The following NTRK3 variants were observed in gnomAD, a reference collection of about 807,000 sequenced individuals.
NTRK3 encodes neurotrophic receptor tyrosine kinase 3.
NTRK3 carries 24 observed loss-of-function variants against 91.7 expected under a neutral mutation model. The ratio of observed to expected loss-of-function variants is 0.26; its 90% confidence interval spans 0.19 to 0.37. The LOEUF is 0.37. NTRK3 is among the 10% of genes least tolerant of loss of function. NTRK3 has a pLI of 1.00. For missense variants in NTRK3, 880 were observed against 1,068.9 expected (o/e 0.82, Z 2.46); for synonymous variants, 483 against 404.0 (o/e 1.20, Z -2.34).
At chr15:88,109,924 T>A (rs1320925049) in intron 13 of NTRK3, among the ~76,000 whole-genome samples, 2 of 152,170 alleles carry the variant, frequency 1.3e-5, no homozygotes, top group African/African-American at 4.8e-5. Context: ...ACTGAGTGAT[T>A]ACTACACAGC....
chr15:88,154,935 C>T (rs1380659140), intron 5 of NTRK3, among the ~76,000 whole-genome samples: 1 of 152,068 alleles, frequency 6.6e-6, no homozygotes, highest in Non-Finnish European at 1.5e-5. Context: ...AAAAAATACC[C>T]ACATAACATC....
intron 6 of NTRK3, among the ~76,000 whole-genome samples, chr15:88,141,124 C>T (rs62019263): frequency 6.6e-6 from 1 of 151,986 alleles, no homozygotes; most frequent in African/African-American, 2.4e-5. Context: ...GAGGGACAGA[C>T]CAAGGTCCTA....
At chr15:87,941,551 G>T (rs564000868) in intron 14 of NTRK3, among the ~76,000 whole-genome samples, 16 of 152,166 alleles carry the variant, frequency 1.1e-4, no homozygotes, top group African/African-American at 3.6e-4. Context: ...CCATCACAGT[G>T]CCTGGTTCAT....
chr15:88,199,370 G>A (rs1482168120), intron 3 of NTRK3, among the ~76,000 whole-genome samples: 1 of 152,132 alleles, frequency 6.6e-6, no homozygotes, highest in African/African-American at 2.4e-5. Flanking sequence ...TGATCCTTGG[G>A]GCAGGGACTA....
At chr15:88,182,451 A>T (rs2046563623) in intron 5 of NTRK3, among the ~76,000 whole-genome samples, 1 of 152,108 alleles carries the variant, frequency 6.6e-6, no homozygotes, top group South Asian at 2.1e-4. Context: ...TCCGTTACCA[A>T]ATGCAAAGTG....
intron 3 of NTRK3, among the ~76,000 whole-genome samples, chr15:88,185,557 C>A (rs1044747445): frequency 6.6e-6 from 1 of 152,194 alleles, no homozygotes; most frequent in South Asian, 2.1e-4. Flanking sequence ...CAAAGGATCT[C>A]GGGAAAAGGC....
At chr15:88,193,402 G>A (rs1453628875) in intron 3 of NTRK3, among the ~76,000 whole-genome samples, 1 of 152,112 alleles carries the variant, frequency 6.6e-6, no homozygotes, top group Non-Finnish European at 1.5e-5. Flanking sequence ...CCCAGGCCCA[G>A]GTCTCAGCTT....
At chr15:88,158,998 G>A (rs933884043) in intron 5 of NTRK3, among the ~76,000 whole-genome samples, 1 of 152,214 alleles carries the variant, frequency 6.6e-6, no homozygotes, top group African/African-American at 2.4e-5. Context: ...AGGGAACAGA[G>A]GTACAGCTGC....
chr15:87,931,311 A>G, intron 16 of NTRK3: 1 of 481,512 alleles, frequency 2.1e-6, no homozygotes, highest in South Asian at 1.5e-5. Context: ...GGACAAAGTG[A>G]GGGCTATCCC....
intron 13 of NTRK3, among the ~76,000 whole-genome samples, chr15:88,046,472 G>C (rs2080207651): frequency 6.6e-6 from 1 of 152,130 alleles, no homozygotes; most frequent in Non-Finnish European, 1.5e-5. Context: ...CATGTTACAG[G>C]TGCGCTCAGG....
At chr15:88,003,602 T>G (rs1412025769) in intron 14 of NTRK3, among the ~76,000 whole-genome samples, 1 of 152,166 alleles carries the variant, frequency 6.6e-6, no homozygotes, top group African/African-American at 2.4e-5. Context: ...CCAGGTAGGA[T>G]GCCTCCAACA....
chr15:87,989,601 T>G (rs1338586950), intron 14 of NTRK3, among the ~76,000 whole-genome samples: 1 of 151,668 alleles, frequency 6.6e-6, no homozygotes, highest in African/African-American at 2.4e-5. Flanking sequence ...TGTATACATA[T>G]GTAACAAACC....
intron 14 of NTRK3, among the ~76,000 whole-genome samples, chr15:88,008,495 ACCCTAGG>A (rs1181802899): frequency 2.0e-5 from 3 of 151,570 alleles, no homozygotes; most frequent in African/African-American, 7.3e-5. Context: ...TGGTCCAAGA[ACCCTAGG>A]CCCTAGGACA....
At chr15:88,082,139 G>C (rs549651886) in intron 13 of NTRK3, among the ~76,000 whole-genome samples, 1 of 152,060 alleles carries the variant, frequency 6.6e-6, no homozygotes, top group Non-Finnish European at 1.5e-5. Context: ...TTAGCCAGGC[G>C]TGGTGGCGCA....
chr15:87,981,915 G>C (rs905394037), intron 14 of NTRK3, among the ~76,000 whole-genome samples: 5 of 152,166 alleles, frequency 3.3e-5, no homozygotes, highest in African/African-American at 1.2e-4. Flanking sequence ...CCATTGTTAG[G>C]GCATAAACCA....
intron 13 of NTRK3, among the ~76,000 whole-genome samples, chr15:88,085,337 G>A (rs1285435052): frequency 6.6e-6 from 1 of 152,226 alleles, no homozygotes; most frequent in Non-Finnish European, 1.5e-5. Flanking sequence ...TTGGCCCAGT[G>A]ACTTGCTTTG....
intron 17 of NTRK3, among the ~76,000 whole-genome samples, chr15:87,921,057 G>C (rs546604686): frequency 6.6e-6 from 1 of 152,118 alleles, no homozygotes; most frequent in Non-Finnish European, 1.5e-5. Context: ...CTGAGTGAAG[G>C]ATATATGGGA....
chr15:88,225,635 G>C (rs188711520), intron 3 of NTRK3, among the ~76,000 whole-genome samples: 2 of 152,098 alleles, frequency 1.3e-5, no homozygotes, highest in Admixed American at 1.3e-4. Context: ...CCACAGTTCC[G>C]ATTCACAAAG....
chr15:87,879,326 A>G, intron 18 of NTRK3, among the ~76,000 whole-genome samples: 1 of 152,172 alleles, frequency 6.6e-6, no homozygotes, highest in Non-Finnish European at 1.5e-5. Context: ...TTTCATAGGG[A>G]TGTTTCATAG....
Sources: allele counts gnomAD v4.1 joint callset (sites outside exome capture counted in the v4.1 genomes callset), GRCh38; gene constraint gnomAD v4.1.1; transcripts MANE v1.5; gene names NCBI Gene and HGNC (gene_info 2026-07-23, HGNC 2026-07-21).